ATP6V1H: variants seen among roughly 807,000 people sequenced by gnomAD.
ATP6V1H encodes the protein V-type proton ATPase subunit H.
In ATP6V1H, 39 loss-of-function variants were observed where a neutral mutation model predicts 71.7. The ratio of observed to expected loss-of-function variants is 0.54; its 90% CI spans 0.42 to 0.71. The LOEUF is 0.71. Among genes scored for constraint, ATP6V1H ranks in the 30% least tolerant of loss-of-function variants. The pLI is 0.00. For synonymous variants in ATP6V1H, 192 were observed against 199.3 expected, an observed-to-expected ratio of 0.96 and a Z score of 0.31; for missense variants, 509 against 594.9, an observed-to-expected ratio of 0.86 and a Z score of 1.50.
At chr8:53,832,251 T>C (rs1811033114) in intron 3 of ATP6V1H, 1 of 152,168 alleles carries the variant, frequency 6.6e-6, no homozygotes, top group South Asian at 2.1e-4. Flanking sequence ...TAGAGAGGTA[T>C]ACGCTAAGTG....
At chr8:53,807,203 A>G (rs937380625) in intron 7 of ATP6V1H, among the ~76,000 whole-genome samples, 3 of 152,236 alleles carry the variant, frequency 2.0e-5, no homozygotes, top group African/African-American at 7.2e-5. Context: ...CAAGTATTAC[A>G]TCAGCACAGC....
intron 4 of ATP6V1H, among the ~76,000 whole-genome samples, chr8:53,827,437 A>G (rs1211561989): frequency 6.6e-6 from 1 of 152,118 alleles, no homozygotes; most frequent in Non-Finnish European, 1.5e-5. Flanking sequence ...GATGAGGAAA[A>G]AACTAAAATA....
intron 4 of ATP6V1H, among the ~76,000 whole-genome samples, chr8:53,828,738 A>T (rs1284331029): frequency 2.6e-5 from 4 of 152,146 alleles, no homozygotes; most frequent in African/African-American, 7.2e-5. Context: ...AAATTAGGCC[A>T]TCAATAAATG....
At chr8:53,805,162 C>A (rs1004864962) in intron 7 of ATP6V1H, among the ~76,000 whole-genome samples, 1 of 152,116 alleles carries the variant, frequency 6.6e-6, no homozygotes, top group African/African-American at 2.4e-5. Context: ...TAAGTGCAAA[C>A]TAAGTGAAAA....
chr8:53,776,892 A>G (rs1274028000), intron 9 of ATP6V1H, among the ~76,000 whole-genome samples: 1 of 152,230 alleles, frequency 6.6e-6, no homozygotes, highest in Non-Finnish European at 1.5e-5. Flanking sequence ...TCCTAGAAAT[A>G]AAAACACAGA....
Position 53,829,464 on chromosome 8 carries a change from T to C in ATP6V1H, c.286A>G (p.Met96Val), listed in dbSNP as rs78251408. ...CCTACCTGCAGCATATCATCCACCA[T>C]AGTTAGTATATACTGAACGGTCTGT... ...KEQTVQYILT[M>V]VDDMLQENHQ... Residue 96 changes from methionine to valine, a missense_variant, in exon 4 of 14, where the codon ATG becomes GTG. Met to Val is a conservative substitution (Grantham distance 21). Transcript: ENST00000359530. The C allele has an allele frequency of 4.1e-4, 655 of 1,604,772 alleles. 7 individuals carry two copies. In the East Asian group the frequency reaches 9.5e-3, roughly 23 times the overall value.
chr8:53,793,239 T>C (rs529188000), intron 9 of ATP6V1H, among the ~76,000 whole-genome samples: 51 of 152,260 alleles, frequency 3.3e-4, no homozygotes, highest in Non-Finnish European at 6.5e-4. Context: ...TTTGTAAAAA[T>C]TAAAAGAAGG....
intron 11 of ATP6V1H, among the ~76,000 whole-genome samples, chr8:53,766,002 G>C (rs969026983): frequency 1.3e-5 from 2 of 152,182 alleles, no homozygotes; most frequent in Non-Finnish European, 2.9e-5. Context: ...ATAGTCAACT[G>C]ATCTTTTAAC....
intron 4 of ATP6V1H, among the ~76,000 whole-genome samples, chr8:53,820,431 C>A (rs1420596431): frequency 4.6e-5 from 7 of 151,600 alleles, no homozygotes; most frequent in African/African-American, 1.7e-4. Flanking sequence ...AATCTGCCCC[C>A]CACCAAAAGA....
At chr8:53,816,949 T>C (rs765576457) in intron 5 of ATP6V1H, among the ~76,000 whole-genome samples, 21 of 152,244 alleles carry the variant, frequency 1.4e-4, no homozygotes, top group Non-Finnish European at 2.8e-4. Flanking sequence ...GCTGTTTACA[T>C]GTGAGAATTC....
intron 13 of ATP6V1H, among the ~76,000 whole-genome samples, chr8:53,729,339 G>C (rs1806933205): frequency 1.3e-5 from 2 of 152,182 alleles, no homozygotes; most frequent in South Asian, 4.1e-4. Flanking sequence ...TGAATTTGGA[G>C]AAACAGAACA....
chr8:53,792,318 A>T (rs1034458302), intron 9 of ATP6V1H, among the ~76,000 whole-genome samples: 1 of 152,202 alleles, frequency 6.6e-6, no homozygotes, highest in Admixed American at 6.5e-5. Flanking sequence ...AAGAAAATCT[A>T]ATGCCCAGCC....
At chr8:53,763,638 C>T (rs1808352806) in intron 11 of ATP6V1H, among the ~76,000 whole-genome samples, 1 of 152,102 alleles carries the variant, frequency 6.6e-6, no homozygotes, top group African/African-American at 2.4e-5. Flanking sequence ...AAAGAGCAGA[C>T]TTCCAGTTTC....
intron 9 of ATP6V1H, among the ~76,000 whole-genome samples, chr8:53,780,975 A>G (rs1469850737): frequency 6.6e-6 from 1 of 152,088 alleles, no homozygotes; most frequent in Non-Finnish European, 1.5e-5. Context: ...AGTCTTTGCT[A>G]TTGTGAATAG....
At chr8:53,816,860 G>A (rs956779448) in intron 5 of ATP6V1H, among the ~76,000 whole-genome samples, 3 of 151,868 alleles carry the variant, frequency 2.0e-5, no homozygotes, top group African/African-American at 7.3e-5. Context: ...AAATAAAAAC[G>A]AAACACAGTA....
chr8:53,841,240 A>G (rs1811330782), intron 2 of ATP6V1H, among the ~76,000 whole-genome samples: 1 of 152,204 alleles, frequency 6.6e-6, no homozygotes. Context: ...GCCAGGGCAT[A>G]TCAGACCAGT....
intron 12 of ATP6V1H, among the ~76,000 whole-genome samples, chr8:53,751,136 A>G (rs1807780073): frequency 6.6e-6 from 1 of 152,186 alleles, no homozygotes; most frequent in Non-Finnish European, 1.5e-5. Context: ...ATGACTCTGC[A>G]TTGGTGTCCG....
intron 11 of ATP6V1H, 62 bp from the exon 12 acceptor site, chr8:53,756,718 C>T: frequency 9.6e-7 from 1 of 1,042,394 alleles, no homozygotes; most frequent in South Asian, 1.4e-5. Context: ...TACAACAGAG[C>T]ACAGGTATAA....
At chr8:53,817,252 A>T (rs1218134801) in intron 5 of ATP6V1H, among the ~76,000 whole-genome samples, 165 bp downstream of exon 5, 2 of 149,936 alleles carry the variant, frequency 1.3e-5, no homozygotes, top group East Asian at 4.0e-4. Flanking sequence ...AAAAAAAAAA[A>T]TCCAGCTGGG....
Sources: gnomAD v4.1 joint callset for allele counts (sites outside exome capture counted in the v4.1 genomes callset) on GRCh38, gnomAD v4.1.1 for gene constraint, MANE v1.5 for transcripts, NCBI Gene and HGNC (gene_info 2026-07-23, HGNC 2026-07-21) for gene names.